LHCGR: variants seen among roughly 807,000 people sequenced by gnomAD.
LHCGR encodes luteinizing hormone/choriogonadotropin receptor.
In LHCGR, 55 loss-of-function variants were observed where a neutral mutation model predicts 60.7. That is an observed-to-expected ratio of 0.91 (90% CI 0.73 to 1.13). The LOEUF (loss-of-function observed/expected upper bound fraction) is 1.13, where lower values mean the gene tolerates loss of function less well. Ranked by LOEUF, LHCGR falls within the 50% of genes most tolerant of loss-of-function variation. The probability of loss-of-function intolerance (pLI) is 0.00; values close to 1 mark genes in which losing one functional copy is unlikely to be tolerated. For synonymous variants in LHCGR, 337 were observed against 316.5 expected (o/e 1.06, Z -0.69); for missense variants, 862 against 836.0 (o/e 1.03, Z -0.38).
At chr2:48,754,377 A>G (rs1354044097) in intron 1 of LHCGR, among the ~76,000 whole-genome samples, 2 of 152,104 alleles carry the variant, frequency 1.3e-5, no homozygotes, top group Non-Finnish European at 2.9e-5. Flanking sequence ...ACAGAATTCC[A>G]TCATCTCTAA....
chr2:48,688,453 G>C lies in LHCGR; in HGVS notation c.1344C>G (p.Phe448Leu). The change falls in exon 11 of 11, where the codon TTC becomes TTG. Residue 448 changes from phenylalanine to leucine, a missense_variant. Coordinates refer to ENST00000294954, the MANE Select transcript of LHCGR (RefSeq NM_000233.4). This position sits in a 1 kb window ranked among gnomAD's most constrained non-coding sequence, Gnocchi z 5.2. ...GCSTAGFFTVFASELSVYTLT... is the reference protein window; with the variant it reads ...GCSTAGFFTVLASELSVYTLT... ...GGGTGTAGACAGAAAGTTCACTTGC[G>C]AATACAGTGAAAAAGCCAGCAGTGC... The C allele has an allele frequency of 6.2e-7, 1 of 1,614,090 alleles. No homozygotes were observed. Among genetic ancestry groups the C allele is most frequent in the Non-Finnish European group, 8.5e-7 (1 of 1,180,022 alleles).
chr2:48,696,401 G>A (rs536983841), intron 9 of LHCGR, among the ~76,000 whole-genome samples: 1 of 152,168 alleles, frequency 6.6e-6, no homozygotes, highest in Non-Finnish European at 1.5e-5. Context: ...AGGGTGCAAG[G>A]CCGCAACCAG....
intron 3 of LHCGR, among the ~76,000 whole-genome samples, chr2:48,727,494 T>C (rs1444383827): frequency 6.6e-6 from 1 of 152,214 alleles, no homozygotes; most frequent in African/African-American, 2.4e-5. Flanking sequence ...TATGTTTCTT[T>C]CTGTTGATGA....
intron 6 of LHCGR, among the ~76,000 whole-genome samples, chr2:48,717,872 C>T (rs1458402607): frequency 1.5e-5 from 2 of 136,734 alleles, no homozygotes; most frequent in South Asian, 4.7e-4. Flanking sequence ...TAGCCTCAGT[C>T]CTGCTTGTCT....
intron 6 of LHCGR, chr2:48,720,394 T>C (rs1668446576): frequency 6.6e-6 from 1 of 152,198 alleles, no homozygotes; most frequent in African/African-American, 2.4e-5. Flanking sequence ...GAATACCTAT[T>C]GGTCTCTGAT....
rs1381455502 is a variant in LHCGR at position 48,723,670 on chromosome 2, T to G, written c.410A>C (p.Lys137Thr). ...GAAGACCTTCGTAACATCTGGAAAC[T>G]TTCTGATGCCTGTGTTACAGATGCT... The part of the protein sequence containing the change: ...YLSICNTGIR[K>T]FPDVTKVFSS... The change falls in exon 5 of 11, where the codon AAG becomes ACG. Residue 137 changes from lysine to threonine, a missense_variant. Lys to Thr is a moderately conservative substitution (Grantham distance 78). Transcript: ENST00000294954. The G allele has an allele frequency of 1.2e-6, 2 of 1,613,778 alleles. No homozygotes were observed. The highest frequency in any genetic ancestry group is 2.7e-5 in the African/African-American group (2 of 74,930).
chr2:48,710,184 C>T (rs1667909779), intron 7 of LHCGR, among the ~76,000 whole-genome samples: 1 of 152,306 alleles, frequency 6.6e-6, no homozygotes, highest in African/African-American at 2.4e-5. Flanking sequence ...GCCCTTTCAT[C>T]AGAATCCACC....
intron 4 of LHCGR, among the ~76,000 whole-genome samples, 176 bp downstream of exon 4, chr2:48,725,500 C>G (rs576491367): frequency 6.6e-5 from 10 of 152,284 alleles, no homozygotes; most frequent in African/African-American, 1.9e-4. Context: ...TAAAAGCACC[C>G]AGCTCGGTGG....
intron 8 of LHCGR, 70 bp downstream of exon 8, chr2:48,708,878 G>A: frequency 8.5e-7 from 1 of 1,173,766 alleles, no homozygotes; most frequent in South Asian, 1.2e-5. Flanking sequence ...GGGATGATGT[G>A]GAGGGACACC....
chr2:48,705,137 T>C (rs1667601523), intron 8 of LHCGR, among the ~76,000 whole-genome samples: 1 of 152,218 alleles, frequency 6.6e-6, no homozygotes, highest in Middle Eastern at 3.2e-3. Context: ...TTGCCTTCAT[T>C]TCGTTATGTA....
At chr2:48,737,520 C>T (rs1204788051) in intron 1 of LHCGR, among the ~76,000 whole-genome samples, 1 of 152,184 alleles carries the variant, frequency 6.6e-6, no homozygotes, top group African/African-American at 2.4e-5. Context: ...TTGCTTTCAT[C>T]TTAGAATAAA....
chr2:48,731,615 G>A lies in LHCGR; in HGVS notation c.162-317C>T, dbSNP rs963853603. On this transcript the variant is annotated intron_variant, in intron 1 of 10. Coordinates refer to ENST00000294954, the MANE Select transcript of LHCGR (RefSeq NM_000233.4). ...CATGTTATTTAAGCCCTCCAGCTCA[G>A]TTTCTTTGTCTGTAAAATTGCAATA... 2.0e-5 allele frequency among the ~76,000 whole-genome samples: 3 copies of A among 152,286 alleles called. No homozygotes were observed. In the South Asian group the frequency reaches 6.2e-4, roughly 32 times the overall value.
chr2:48,698,253 T>C (rs1238413327), intron 9 of LHCGR, among the ~76,000 whole-genome samples: 1 of 152,206 alleles, frequency 6.6e-6, no homozygotes, highest in African/African-American at 2.4e-5. Context: ...AATTTTGCCC[T>C]CCTGAGGCTT....
intron 1 of LHCGR, among the ~76,000 whole-genome samples, chr2:48,735,696 T>C (rs1176562424): frequency 6.6e-6 from 1 of 152,204 alleles, no homozygotes; most frequent in African/African-American, 2.4e-5. Context: ...TAGTGGATAC[T>C]GTGGTGGGCT....
intron 6 of LHCGR, among the ~76,000 whole-genome samples, chr2:48,714,609 A>T (rs1668153262): frequency 6.6e-6 from 1 of 152,058 alleles, no homozygotes; most frequent in Admixed American, 6.6e-5. Context: ...GAATCAATTT[A>T]CTTGGGCATA....
chr2:48,739,748 C>T (rs1255929159), intron 1 of LHCGR, among the ~76,000 whole-genome samples: 1 of 151,944 alleles, frequency 6.6e-6, no homozygotes, highest in Non-Finnish European at 1.5e-5. Flanking sequence ...ACCAACATGG[C>T]ACATGTATAC....
At chr2:48,750,075 TGTGGTG>T (rs1669893299) in intron 1 of LHCGR, among the ~76,000 whole-genome samples, 1 of 152,094 alleles carries the variant, frequency 6.6e-6, no homozygotes, top group Admixed American at 6.6e-5. Context: ...TAGGGGTGGT[TGTGGTG>T]GTGGTGAGGG....
intron 6 of LHCGR, chr2:48,720,379 C>T (rs543616813): frequency 9.2e-5 from 14 of 152,206 alleles, no homozygotes; most frequent in Admixed American, 1.3e-4. Flanking sequence ...ACATTTACCT[C>T]GGAGGAATAC....
chr2:48,753,658 G>A (rs997515256), intron 1 of LHCGR, among the ~76,000 whole-genome samples: 3 of 152,094 alleles, frequency 2.0e-5, no homozygotes, highest in Non-Finnish European at 2.9e-5. Flanking sequence ...TCCAGGGAAG[G>A]GGGTCCCCTC....
Sources: gnomAD v4.1 joint callset for allele counts (sites outside exome capture counted in the v4.1 genomes callset) on GRCh38, gnomAD v4.1.1 for gene constraint, Gnocchi (gnomAD v3.1) non-coding constraint, MANE v1.5 for transcripts, NCBI Gene and HGNC (gene_info 2026-07-23, HGNC 2026-07-21) for gene names.